LIPA: variants seen among roughly 807,000 people sequenced by gnomAD.
LIPA encodes lysosomal acid lipase/cholesteryl ester hydrolase.
A neutral mutation model predicts 40.6 loss-of-function variants in LIPA; 26 were observed. That is an observed-to-expected ratio of 0.64 (90% CI 0.47 to 0.89). LIPA has a LOEUF of 0.89. Ranked by LOEUF, LIPA falls within the 40% of genes least tolerant of loss-of-function variation. The pLI, the probability that LIPA is intolerant of heterozygous loss-of-function variation, is 0.00. For synonymous variants in LIPA, 188 were observed against 168.4 expected, an observed-to-expected ratio of 1.12 and a Z score of -0.90; for missense variants, 455 against 479.6, an observed-to-expected ratio of 0.95 and a Z score of 0.48.
intron 2 of LIPA, chr10:89,402,918 G>T: frequency 6.2e-7 from 1 of 1,614,166 alleles, no homozygotes; most frequent in Non-Finnish European, 8.5e-7. Flanking sequence ...CTTAAATCCA[G>T]ACAATGGATA....
At chr10:89,362,733 T>C in intron 2 of LIPA, 1 of 738,990 alleles carries the variant, frequency 1.4e-6, no homozygotes, top group Non-Finnish European at 2.1e-6. Context: ...TGAGATGAAC[T>C]GTGAGGAAGG....
At position 89,299,369 on chromosome 10, in the gene LIPA, C is replaced by A. The variant is rs555163320; in HGVS notation, c.-2+43242G>T. On this transcript the variant is annotated intron_variant, in intron 1 of 5. Transcript: ENST00000282673. ...CGATCTATGGGACACCATAAGGTGA[C>A]CAAATATATGAATTATCAGTATCTC... Among the ~76,000 whole-genome samples, 44 of 151,896 alleles carry A rather than the reference C, an allele frequency of 2.9e-4. No individual in the cohort carries two copies. In the South Asian group the frequency reaches 9.0e-3, roughly 31 times the overall value.
chr10:89,310,577 C>A (rs924546801), intron 1 of LIPA, among the ~76,000 whole-genome samples: 1 of 152,036 alleles, frequency 6.6e-6, no homozygotes, highest in African/African-American at 2.4e-5. Context: ...TACCTCATTG[C>A]TGATTATCTA....
At chr10:89,257,299 T>C (rs1171665266) in intron 1 of LIPA, among the ~76,000 whole-genome samples, 6 of 152,208 alleles carry the variant, frequency 3.9e-5, no homozygotes, top group Admixed American at 3.9e-4. Context: ...GGACTTCATT[T>C]TGATTTTGAC....
At chr10:89,234,493 C>T (rs921874096) in intron 3 of LIPA, among the ~76,000 whole-genome samples, 6 of 152,220 alleles carry the variant, frequency 3.9e-5, no homozygotes, top group East Asian at 3.9e-4. Context: ...ATCGAATCCT[C>T]GGGTGAAAAA....
In LIPA at chr10:89,402,292, A is replaced by T. The variant is rs139476226; in HGVS notation, c.61+10499T>A. On this transcript the variant is annotated intron_variant, in intron 2 of 8. Coordinates refer to the LIPA transcript ENST00000371837. Reference sequence around the variant, plus strand: ...TTTTGTTTTTACAGTACAAATGGTGATGATCATCAGGTCAAGGATAGTCTG... The same window carrying T: ...TTTTGTTTTTACAGTACAAATGGTGTTGATCATCAGGTCAAGGATAGTCTG... 68 of 1,607,602 alleles carry T rather than the reference A, an allele frequency of 4.2e-5. No homozygotes were observed. In the African/African-American group the frequency reaches 8.3e-4, roughly 20 times the overall value.
intron 8 of LIPA, among the ~76,000 whole-genome samples, chr10:89,220,940 T>C (rs956352823): frequency 1.3e-5 from 2 of 152,084 alleles, no homozygotes; most frequent in African/African-American, 2.4e-5. Context: ...AAAACAAGTA[T>C]TCTGAGTGGA....
chr10:89,378,176 GCA>G (rs1372692454), intron 2 of LIPA: 2 of 1,610,908 alleles, frequency 1.2e-6, no homozygotes, highest in Non-Finnish European at 1.7e-6. Flanking sequence ...CCTTATTTCT[GCA>G]CACTTTGAAA....
intron 2 of LIPA, chr10:89,384,415 C>A: frequency 1.2e-6 from 2 of 1,614,120 alleles, no homozygotes; most frequent in Non-Finnish European, 1.7e-6. Flanking sequence ...GAAAGGGTTA[C>A]GCATGAAGAT....
intron 1 of LIPA, among the ~76,000 whole-genome samples, chr10:89,310,878 C>T (rs1383848504): frequency 1.3e-5 from 2 of 152,134 alleles, no homozygotes; most frequent in African/African-American, 4.8e-5. Context: ...TGGTTTATGT[C>T]TCACTTGTTT....
intron 3 of LIPA, among the ~76,000 whole-genome samples, chr10:89,243,864 T>C (rs1319561068): frequency 1.3e-5 from 2 of 152,230 alleles, no homozygotes; most frequent in Non-Finnish European, 1.5e-5. Context: ...CTGAGATGCT[T>C]ACCATCATTT....
intron 1 of LIPA, among the ~76,000 whole-genome samples, chr10:89,261,373 C>T (rs1001091412): frequency 2.6e-5 from 4 of 152,160 alleles, no homozygotes; most frequent in East Asian, 3.8e-4. Flanking sequence ...GGTTTGATGG[C>T]GGACGCCTGT....
chr10:89,389,250 T>A (rs1232809528), intron 2 of LIPA, among the ~76,000 whole-genome samples: 1 of 152,362 alleles, frequency 6.6e-6, no homozygotes, highest in Admixed American at 6.5e-5. Flanking sequence ...AAATCAAAGA[T>A]GCAGGAACAT....
intron 1 of LIPA, chr10:89,340,325 G>C (rs531694737): frequency 8.4e-6 from 4 of 477,228 alleles, no homozygotes; most frequent in Middle Eastern, 5.5e-4. Flanking sequence ...TTGGGAGGCC[G>C]AGGTGGGCGG....
intron 1 of LIPA, among the ~76,000 whole-genome samples, chr10:89,259,792 A>G (rs1843197794): frequency 6.6e-6 from 1 of 152,230 alleles, no homozygotes; most frequent in African/African-American, 2.4e-5. Context: ...CAAAAACAGT[A>G]CATGTCTCAT....
At chr10:89,412,767 A>T (rs1356270958) in intron 2 of LIPA, 2 of 435,022 alleles carry the variant, frequency 4.6e-6, no homozygotes, top group Non-Finnish European at 9.1e-6. Context: ...TGCACTCCTG[A>T]AGTCAGCAAG....
At position 89,283,470 on chromosome 10, in the gene LIPA, T is replaced by A. The variant is rs10887937; in HGVS notation, c.-1-35821A>T. On this transcript the variant is annotated intron_variant, in intron 1 of 5. Transcript: ENST00000282673. ...TACTGATGTCACTATTAATATTAGC[T>A]AGTGATGACAACAGTTCTCCGGAAT... Among the ~76,000 whole-genome samples, 111 of 152,152 alleles carry A rather than the reference T, an allele frequency of 7.3e-4. 3 individuals are homozygous for A. The East Asian group carries it at 0.02, about 28-fold the overall frequency.
intron 1 of LIPA, among the ~76,000 whole-genome samples, chr10:89,318,795 C>T (rs1214994008): frequency 6.6e-6 from 1 of 152,152 alleles, no homozygotes; most frequent in Non-Finnish European, 1.5e-5. Flanking sequence ...TATTCCAAAA[C>T]TGACCACATA....
intron 1 of LIPA, among the ~76,000 whole-genome samples, chr10:89,325,803 C>T (rs576741685): frequency 6.6e-6 from 1 of 152,138 alleles, no homozygotes; most frequent in South Asian, 2.1e-4. Flanking sequence ...ACTAAAGCCT[C>T]ATGACATGCA....
Sources: gnomAD v4.1 joint callset for allele counts (sites outside exome capture counted in the v4.1 genomes callset) on GRCh38, gnomAD v4.1.1 for gene constraint, MANE v1.5 for transcripts, NCBI Gene and HGNC (gene_info 2026-07-23, HGNC 2026-07-21) for gene names.